Variants in ADGRB3 observed in about 807,000 individuals in gnomAD.
The protein encoded by ADGRB3 is adhesion G protein-coupled receptor B3, also known as brain-specific angiogenesis inhibitor 3.
Under a neutral mutation model 193.4 loss-of-function variants are expected in ADGRB3, and 37 were observed. The ratio of observed to expected loss-of-function variants is 0.19; its 90% CI spans 0.15 to 0.25. The LOEUF (loss-of-function observed/expected upper bound fraction) is 0.25, where lower values mean the gene tolerates loss of function less well. Among genes scored for constraint, ADGRB3 ranks in the 10% least tolerant of loss-of-function variants. ADGRB3 has a pLI of 1.00. For synonymous variants in ADGRB3, 690 were observed against 644.2 expected (o/e 1.07, Z -1.08); for missense variants, 1,637 against 1,852.9 (o/e 0.88, Z 2.14).
chr6:69,162,521 C>T (rs918456522), intron 17 of ADGRB3, among the ~76,000 whole-genome samples: 12 of 152,178 alleles, frequency 7.9e-5, no homozygotes, highest in Non-Finnish European at 1.6e-4. Flanking sequence ...ATTCTGTAGG[C>T]AACTGGTGGT....
At chr6:69,046,284 C>T (rs556070271) in intron 13 of ADGRB3, among the ~76,000 whole-genome samples, 1 of 152,156 alleles carries the variant, frequency 6.6e-6, no homozygotes, top group African/African-American at 2.4e-5. Context: ...AAATAACTTT[C>T]CTCTAAACCC....
chr6:68,639,515 C>G, intron 3 of ADGRB3, 83 bp downstream of exon 3: 1 of 1,395,472 alleles, frequency 7.2e-7, no homozygotes. Flanking sequence ...ACACACAGGC[C>G]TAATTATTTA....
At chr6:68,941,285 T>C (rs1016328857) in intron 5 of ADGRB3, among the ~76,000 whole-genome samples, 3 of 152,192 alleles carry the variant, frequency 2.0e-5, no homozygotes, top group African/African-American at 7.2e-5. Flanking sequence ...GCTATAATTT[T>C]CTACTAACTC....
chr6:69,031,000 C>CTTTTCTTTTCTTTT (rs1480485485), intron 13 of ADGRB3, among the ~76,000 whole-genome samples: 3 of 98,654 alleles, frequency 3.0e-5, no homozygotes, highest in African/African-American at 9.4e-5. Flanking sequence ...TCTTTCTTTT[C>CTTTTCTTTTCTTTT]CTTTCTTTTC....
chr6:68,813,654 C>T (rs1176318748), intron 3 of ADGRB3, among the ~76,000 whole-genome samples: 1 of 151,930 alleles, frequency 6.6e-6, no homozygotes, highest in African/African-American at 2.4e-5. Flanking sequence ...GTGCCGCACC[C>T]ATTAACTTGT....
At chr6:68,750,814 A>T (rs1016594137) in intron 3 of ADGRB3, among the ~76,000 whole-genome samples, 4 of 152,336 alleles carry the variant, frequency 2.6e-5, no homozygotes, top group Middle Eastern at 3.4e-3. Context: ...ACCAAATATT[A>T]CAGACTTCAG....
At chr6:69,228,392 T>C (rs1351905534) in intron 17 of ADGRB3, among the ~76,000 whole-genome samples, 1 of 152,124 alleles carries the variant, frequency 6.6e-6, no homozygotes, top group Non-Finnish European at 1.5e-5. Context: ...GCATGTAGAG[T>C]GTTAATTTTA....
intron 13 of ADGRB3, among the ~76,000 whole-genome samples, chr6:69,040,692 A>AC (rs1562133481): frequency 6.9e-6 from 1 of 144,690 alleles, no homozygotes; most frequent in African/African-American, 2.6e-5. Flanking sequence ...AAAAAAAAAA[A>AC]AAAAAAAAAA....
At chr6:68,783,139 G>C (rs576156255) in intron 3 of ADGRB3, among the ~76,000 whole-genome samples, 6 of 151,016 alleles carry the variant, frequency 4.0e-5, no homozygotes, top group African/African-American at 7.3e-5. Flanking sequence ...CTCTGAGTCC[G>C]GTTTGTTACT....
At chr6:69,087,641 C>T (rs1772588482) in intron 17 of ADGRB3, among the ~76,000 whole-genome samples, 1 of 152,010 alleles carries the variant, frequency 6.6e-6, no homozygotes, top group Non-Finnish European at 1.5e-5. Context: ...TTATAAATTA[C>T]CCAATGTAAG....
intron 11 of ADGRB3, among the ~76,000 whole-genome samples, chr6:69,004,521 G>A (rs1769684911): frequency 6.6e-6 from 1 of 151,230 alleles, no homozygotes; most frequent in South Asian, 2.1e-4. Context: ...CCATTAACTA[G>A]TCATTTACAT....
intron 3 of ADGRB3, among the ~76,000 whole-genome samples, chr6:68,728,463 C>T (rs1281066490): frequency 2.0e-5 from 3 of 151,372 alleles, no homozygotes; most frequent in Non-Finnish European, 4.4e-5. Context: ...ACTGGAGTTT[C>T]CAGACCACAC....
chr6:68,787,276 T>C (rs1052136719), intron 3 of ADGRB3, among the ~76,000 whole-genome samples: 2 of 152,208 alleles, frequency 1.3e-5, no homozygotes, highest in African/African-American at 2.4e-5. Context: ...TTCAGTATGA[T>C]ATTGGCTGTG....
chr6:68,783,358 A>G (rs1766897625), intron 3 of ADGRB3, among the ~76,000 whole-genome samples: 1 of 147,658 alleles, frequency 6.8e-6, no homozygotes, highest in African/African-American at 2.5e-5. Flanking sequence ...TAATTCTAAA[A>G]CTTACATGTA....
intron 3 of ADGRB3, among the ~76,000 whole-genome samples, chr6:68,840,927 G>A (rs1485765927): frequency 6.6e-6 from 1 of 151,986 alleles, no homozygotes; most frequent in Non-Finnish European, 1.5e-5. Flanking sequence ...CATGCCAACG[G>A]AAACCAAAAA....
chr6:68,728,165 A>C (rs2127329396), intron 3 of ADGRB3, among the ~76,000 whole-genome samples: 1 of 151,592 alleles, frequency 6.6e-6, no homozygotes, highest in South Asian at 2.1e-4. Flanking sequence ...GTTCTTTGAA[A>C]AAAAATATTG....
chr6:68,944,091 T>A, intron 6 of ADGRB3, 97 bp downstream of exon 6: 2 of 1,322,084 alleles, frequency 1.5e-6, no homozygotes, highest in Non-Finnish European at 2.1e-6. Context: ...CTTCATTCAG[T>A]CACGTTGGGA....
At position 68,730,128 on chromosome 6, in the gene ADGRB3, C is replaced by T. The variant is rs188045410; in HGVS notation, c.757+90696C>T. ...TTTCCAGTACACATAGAAATCTGTT[C>T]AAAACTTAATCAGATGAATACTTAA... is the stretch of plus-strand genomic sequence containing the variant. On this transcript the variant is annotated intron_variant, in intron 3 of 31. Coordinates refer to ENST00000370598, the MANE Select transcript of ADGRB3 (RefSeq NM_001704.3). Among the ~76,000 whole-genome samples the T allele has an allele frequency of 4.4e-3, 665 of 151,554 alleles. 3 individuals carry two copies. Among genetic ancestry groups the T allele is most frequent in the Non-Finnish European group, 5.6e-3 (382 of 67,722 alleles).
intron 20 of ADGRB3, among the ~76,000 whole-genome samples, chr6:69,323,210 G>A (rs1011365771): frequency 6.6e-6 from 1 of 151,876 alleles, no homozygotes; most frequent in Non-Finnish European, 1.5e-5. Context: ...GACTAGCTTT[G>A]CTAGTGCATA....
Sources: allele counts gnomAD v4.1 joint callset (sites outside exome capture counted in the v4.1 genomes callset), GRCh38; gene constraint gnomAD v4.1.1; transcripts MANE v1.5; gene names NCBI Gene and HGNC (gene_info 2026-07-23, HGNC 2026-07-21).